The following UTRN variants were observed in gnomAD, a reference collection of about 807,000 sequenced individuals.
UTRN encodes the protein dystrophin-related protein 1.
Under a neutral mutation model 463.9 loss-of-function variants are expected in UTRN, and 283 were observed. The ratio of observed to expected loss-of-function variants is 0.61; its 90% CI spans 0.55 to 0.67. The LOEUF is 0.67. Among genes scored for constraint, UTRN ranks in the 30% least tolerant of loss-of-function variants. The pLI is 0.00. For missense variants in UTRN, 3,922 were observed against 4,084.3 expected (o/e 0.96, Z 1.08); for synonymous variants, 1,442 against 1,431.5 (o/e 1.01, Z -0.17).
At chr6:144,457,848 G>A (rs77361761) in intron 19 of UTRN, among the ~76,000 whole-genome samples, 1,891 of 152,152 alleles carry the variant, frequency 0.012, 43 homozygotes, top group African/African-American at 0.041. Flanking sequence ...TGTTTATAAA[G>A]CAGGATTGTT....
intron 2 of UTRN, among the ~76,000 whole-genome samples, chr6:144,312,710 TC>T (rs1775018296): frequency 6.6e-6 from 1 of 152,226 alleles, no homozygotes; most frequent in African/African-American, 2.4e-5. Context: ...GTTTTTCTCT[TC>T]CATGTTTATA....
At chr6:144,801,305 A>G (rs1320298461) in intron 64 of UTRN, among the ~76,000 whole-genome samples, 2 of 152,062 alleles carry the variant, frequency 1.3e-5, no homozygotes, top group African/African-American at 4.8e-5. Context: ...TTATTGCACA[A>G]AGATTACACA....
chr6:144,474,546 T>C, intron 24 of UTRN, 58 bp from the exon 25 acceptor site: 1 of 1,520,288 alleles, frequency 6.6e-7, no homozygotes, highest in Non-Finnish European at 8.9e-7. Flanking sequence ...AGACAAACTA[T>C]AATTATGGCA....
chr6:144,287,224 A>C (rs1185270463), intron 1 of UTRN, among the ~76,000 whole-genome samples: 3 of 152,122 alleles, frequency 2.0e-5, no homozygotes, highest in Non-Finnish European at 4.4e-5. Context: ...GTTGGCGTGG[A>C]ACCATTCCCC....
chr6:144,787,570 A>G (rs2128741588), intron 61 of UTRN, among the ~76,000 whole-genome samples: 1 of 152,266 alleles, frequency 6.6e-6, no homozygotes, highest in East Asian at 1.9e-4. Context: ...TTCCTTTCTT[A>G]TTTATTGCAT....
At position 144,438,909 on chromosome 6, in the gene UTRN, A is replaced by G. The variant is rs200032935; in HGVS notation, c.1392+14A>G. 1.9e-6 allele frequency: 3 copies of G among 1,613,506 alleles called. No individual in the cohort carries two copies. The highest frequency in any genetic ancestry group is 1.3e-5 in the African/African-American group (1 of 75,036). ...GAAGAACATAAAGTAAATCTGTCTC[A>G]TATTTCTTCGATACCTTATCAAATA... On this transcript the variant is annotated intron_variant, in intron 12 of 74. Transcript: ENST00000367545.
chr6:144,588,241 G>A (rs1056046381), intron 51 of UTRN, among the ~76,000 whole-genome samples: 1 of 152,112 alleles, frequency 6.6e-6, no homozygotes, highest in Non-Finnish European at 1.5e-5. Flanking sequence ...AAAGCTCTTG[G>A]ACCTCTGTTT....
intron 51 of UTRN, among the ~76,000 whole-genome samples, chr6:144,646,388 TCACC>T (rs1778303804): frequency 1.3e-5 from 2 of 152,194 alleles, no homozygotes; most frequent in Non-Finnish European, 2.9e-5. Flanking sequence ...CACAGTTAGC[TCACC>T]AAAATGTTAC....
intron 6 of UTRN, among the ~76,000 whole-genome samples, chr6:144,424,308 G>A (rs998199967): frequency 1.3e-4 from 20 of 152,150 alleles, no homozygotes; most frequent in Admixed American, 6.5e-5. Context: ...CCAAATTCTG[G>A]TGGTTTGTCT....
chr6:144,558,789 G>T (rs1585267076), intron 50 of UTRN, among the ~76,000 whole-genome samples: 2 of 152,112 alleles, frequency 1.3e-5, no homozygotes, highest in African/African-American at 4.8e-5. Context: ...GAGAGAGATT[G>T]TTTTCTGAGG....
chr6:144,475,496 C>T, intron 25 of UTRN, among the ~76,000 whole-genome samples: 1 of 152,122 alleles, frequency 6.6e-6, no homozygotes, highest in Non-Finnish European at 1.5e-5. Context: ...TAGCTATGGC[C>T]TTGGAGGAAA....
intron 2 of UTRN, among the ~76,000 whole-genome samples, chr6:144,327,092 T>G (rs1408464975): frequency 6.6e-6 from 1 of 152,090 alleles, no homozygotes; most frequent in East Asian, 1.9e-4. Context: ...TTGTGAATAT[T>G]CTGTAAGAGA....
chr6:144,561,258 T>TATATATATATAC (rs1562576053), intron 50 of UTRN, among the ~76,000 whole-genome samples: 1 of 78,800 alleles, frequency 1.3e-5, no homozygotes, highest in African/African-American at 4.0e-5. Context: ...TATATATATA[T>TATATATATATAC]ATACATACAC....
chr6:144,769,596 C>T (rs886653197), intron 58 of UTRN, among the ~76,000 whole-genome samples: 1 of 152,112 alleles, frequency 6.6e-6, no homozygotes, highest in African/African-American at 2.4e-5. Context: ...CTTGTGATTC[C>T]GTAGGGGTTG....
At chr6:144,682,189 C>CT (rs1277907008) in intron 52 of UTRN, among the ~76,000 whole-genome samples, 1 of 152,100 alleles carries the variant, frequency 6.6e-6, no homozygotes, top group African/African-American at 2.4e-5. Context: ...TCCTTCTACT[C>CT]TATCTCCATG....
intron 47 of UTRN, among the ~76,000 whole-genome samples, chr6:144,550,707 T>C (rs990528334): frequency 6.6e-6 from 1 of 152,334 alleles, no homozygotes; most frequent in Non-Finnish European, 1.5e-5. Flanking sequence ...TATTTTATTA[T>C]TTCTTTTTTG....
chr6:144,337,333 C>T (rs1008184558), intron 2 of UTRN, among the ~76,000 whole-genome samples: 1 of 152,312 alleles, frequency 6.6e-6, no homozygotes, highest in African/African-American at 2.4e-5. Flanking sequence ...GCCCCTATTA[C>T]TACCTCTCTT....
intron 53 of UTRN, among the ~76,000 whole-genome samples, chr6:144,701,068 G>A (rs1030960577): frequency 1.3e-5 from 2 of 151,972 alleles, no homozygotes; most frequent in Non-Finnish European, 2.9e-5. Context: ...CACCATGCCC[G>A]GCTAATTTTT....
intron 60 of UTRN, among the ~76,000 whole-genome samples, chr6:144,776,215 T>C (rs1036645230): frequency 6.6e-6 from 1 of 152,220 alleles, no homozygotes; most frequent in African/African-American, 2.4e-5. Flanking sequence ...TCCCAAATAC[T>C]GTTAAAGATT....
Sources: gnomAD v4.1 joint callset for allele counts (sites outside exome capture counted in the v4.1 genomes callset) on GRCh38, gnomAD v4.1.1 for gene constraint, MANE v1.5 for transcripts, NCBI Gene and HGNC (gene_info 2026-07-23, HGNC 2026-07-21) for gene names.